The following ANK3 variants were observed in gnomAD, a reference collection of about 807,000 sequenced individuals.
ANK3 encodes the protein ankyrin 3.
ANK3 carries 57 observed loss-of-function variants against 370.9 expected under a neutral mutation model. That is an observed-to-expected ratio of 0.15 (90% CI 0.12 to 0.19). The LOEUF (loss-of-function observed/expected upper bound fraction) is 0.19. Among genes scored for constraint, ANK3 ranks in the 10% least tolerant of loss-of-function variants. The probability of loss-of-function intolerance (pLI) is 1.00; values close to 1 mark genes in which losing one functional copy is unlikely to be tolerated. For missense variants in ANK3, 4,439 were observed against 5,302.1 expected, an observed-to-expected ratio of 0.84 and a Z score of 5.06; for synonymous variants, 1,929 against 1,946.3, an observed-to-expected ratio of 0.99 and a Z score of 0.23.
intron 41 of ANK3, among the ~76,000 whole-genome samples, chr10:60,056,261 G>A (rs2079143881): frequency 6.6e-6 from 1 of 152,156 alleles, no homozygotes; most frequent in African/African-American, 2.4e-5. Context: ...CTGAGGTCAG[G>A]AGTTCGAGAC....
At chr10:60,057,835 A>G (rs1375819130) in intron 41 of ANK3, among the ~76,000 whole-genome samples, 1 of 152,246 alleles carries the variant, frequency 6.6e-6, no homozygotes, top group African/African-American at 2.4e-5. Flanking sequence ...CATAGACATC[A>G]AAATTAGTAC....
rs2132403169 is a variant in ANK3, at chr10:60,196,607, G to T, written c.1708C>A (p.His570Asn). The change falls in exon 15 of 44, where the codon CAT becomes AAT. Residue 570 changes from histidine to asparagine, a missense_variant. By Grantham distance (68) the His-to-Asn change is moderately conservative. Around this residue, in one of 13 missense-constraint regions of ANK3, gnomAD observed 192 missense variants for 192.1 expected, o/e 1.00. Coordinates refer to ENST00000280772, the MANE Select transcript of ANK3 (RefSeq NM_020987.5). ...AGCTTTCCATATTTTGCTGCCACAT[G>T]AAGAGGAGTAAATCCTTTCTGAAAA... ...ITTKKGFTPL[H>N]VAAKYGKLEV... The T allele has an allele frequency of 6.3e-7, 1 of 1,595,844 alleles. No individual in the cohort carries two copies. The highest frequency in any genetic ancestry group is 2.2e-5 in the East Asian group (1 of 44,626).
At chr10:60,260,799 A>T (rs2097792660) in intron 7 of ANK3, among the ~76,000 whole-genome samples, 1 of 151,816 alleles carries the variant, frequency 6.6e-6, no homozygotes. Flanking sequence ...ATTATTCTTA[A>T]GTTTCCTGAG....
chr10:60,028,856 T>C lies in ANK3; in HGVS notation c.*990A>G, dbSNP rs2072655809. 6.6e-6 allele frequency: 1 copy of C among 150,496 alleles called. No individual in the cohort carries two copies. Among genetic ancestry groups the C allele is most frequent in the Admixed American group, 6.7e-5 (1 of 15,030 alleles). 9.3% of individuals were successfully genotyped at this position (150,496 alleles called of 1,614,324 possible). The stretch of plus-strand genomic sequence containing the variant: ...CCCCCTAAAGCAACTACCGTATAGG[T>C]TATTTTTTTTTGTTGTTTTTAGGTC... On this transcript the variant is annotated 3_prime_UTR_variant, in exon 44 of 44. Coordinates refer to ENST00000280772, the MANE Select transcript of ANK3 (RefSeq NM_020987.5).
At chr10:60,700,271 C>T (rs2079528703) in intron 1 of ANK3, among the ~76,000 whole-genome samples, 2 of 152,148 alleles carry the variant, frequency 1.3e-5, no homozygotes, top group South Asian at 4.1e-4. Flanking sequence ...CAATAATTCT[C>T]AATTTTCCTG....
At chr10:60,669,889 T>C (rs1340081715) in intron 1 of ANK3, among the ~76,000 whole-genome samples, 1 of 152,076 alleles carries the variant, frequency 6.6e-6, no homozygotes, top group Non-Finnish European at 1.5e-5. Flanking sequence ...GTGGTGTGAA[T>C]AGAGCTCACT....
chr10:60,534,739 T>C (rs2076685054), intron 2 of ANK3, among the ~76,000 whole-genome samples: 1 of 152,120 alleles, frequency 6.6e-6, no homozygotes, highest in African/African-American at 2.4e-5. Flanking sequence ...TAGCCTGAAA[T>C]CATAGCCATA....
chr10:60,725,050 T>A (rs1161448040), intron 1 of ANK3, among the ~76,000 whole-genome samples: 1 of 152,210 alleles, frequency 6.6e-6, no homozygotes, highest in Non-Finnish European at 1.5e-5. Flanking sequence ...TTCTAACGTG[T>A]TTAAGGAGTA....
chr10:60,673,756 C>T (rs1288920893), intron 1 of ANK3, among the ~76,000 whole-genome samples: 1 of 152,200 alleles, frequency 6.6e-6, no homozygotes, highest in South Asian at 2.1e-4. Context: ...GAGTGCTGCT[C>T]TATTGGATCT....
intron 1 of ANK3, chr10:60,685,056 T>C: frequency 7.2e-7 from 1 of 1,388,534 alleles, no homozygotes. Flanking sequence ...AACTGCATGA[T>C]ATGATCATTA....
intron 1 of ANK3, among the ~76,000 whole-genome samples, chr10:60,684,231 G>T (rs1372863327): frequency 6.6e-6 from 1 of 152,166 alleles, no homozygotes. Flanking sequence ...GCGCAGGCAG[G>T]GGGTGGGGTC....
intron 2 of ANK3, among the ~76,000 whole-genome samples, chr10:60,565,708 G>C (rs1326051669): frequency 6.6e-6 from 1 of 152,072 alleles, no homozygotes; most frequent in African/African-American, 2.4e-5. Flanking sequence ...TCTCTAACTG[G>C]AACACTCTTA....
intron 1 of ANK3, among the ~76,000 whole-genome samples, chr10:60,329,941 T>A (rs1013243774): frequency 2.0e-5 from 3 of 152,116 alleles, no homozygotes; most frequent in African/African-American, 7.2e-5. Flanking sequence ...GACAGATATA[T>A]AGACCAATGA....
intron 26 of ANK3, among the ~76,000 whole-genome samples, chr10:60,109,716 A>G (rs1442931618): frequency 6.6e-6 from 1 of 152,230 alleles, no homozygotes; most frequent in Non-Finnish European, 1.5e-5. Context: ...AGTGGAACTT[A>G]GACTTTTAGA....
At chr10:60,124,456 T>A (rs1363054636) in intron 25 of ANK3, among the ~76,000 whole-genome samples, 1 of 152,202 alleles carries the variant, frequency 6.6e-6, no homozygotes, top group Non-Finnish European at 1.5e-5. Flanking sequence ...ATTACAGGAA[T>A]GAGCCACTGT....
intron 25 of ANK3, among the ~76,000 whole-genome samples, chr10:60,133,906 C>G (rs1273096772): frequency 6.6e-6 from 1 of 152,104 alleles, no homozygotes; most frequent in Non-Finnish European, 1.5e-5. Flanking sequence ...GTGACAGAGA[C>G]TCTGTCTCCA....
At chr10:60,140,781 C>T (rs897926337) in intron 23 of ANK3, 3 of 1,025,704 alleles carry the variant, frequency 2.9e-6, no homozygotes, top group African/African-American at 1.7e-5. Context: ...AGGACTGCTC[C>T]GGTGTAGACT....
intron 1 of ANK3, among the ~76,000 whole-genome samples, chr10:60,281,688 T>C (rs975699993): frequency 3.3e-5 from 5 of 152,190 alleles, no homozygotes; most frequent in Admixed American, 2.6e-4. Flanking sequence ...TAACTATTAA[T>C]TAAAGTATTG....
At chr10:60,130,545 T>C (rs559211067) in intron 25 of ANK3, among the ~76,000 whole-genome samples, 2 of 152,244 alleles carry the variant, frequency 1.3e-5, no homozygotes, top group Non-Finnish European at 2.9e-5. Flanking sequence ...TACTGAAAAC[T>C]TCTTTCACGC....
Sources: allele counts gnomAD v4.1 joint callset (sites outside exome capture counted in the v4.1 genomes callset), GRCh38; gene constraint gnomAD v4.1.1; regional missense constraint gnomAD v4.1.1; transcripts MANE v1.5; gene names NCBI Gene and HGNC (gene_info 2026-07-23, HGNC 2026-07-21).